FGF1: variants seen among roughly 807,000 people sequenced by gnomAD.
FGF1 encodes beta-endothelial cell growth factor.
Under a neutral mutation model 13.4 loss-of-function variants are expected in FGF1, and 9 were observed. The observed-to-expected ratio is 0.67, with a 90% confidence interval of 0.40 to 1.17. The LOEUF (loss-of-function observed/expected upper bound fraction) is 1.17, where lower values mean the gene tolerates loss of function less well. FGF1 is among the 50% of genes most tolerant of loss of function. FGF1 has a pLI of 0.01. For missense variants in FGF1, 156 were observed against 192.7 expected (o/e 0.81, Z 1.13); for synonymous variants, 93 against 79.0 (o/e 1.18, Z -0.94).
chr5:142,680,389 C>A (rs1017834622), intron 1 of FGF1, among the ~76,000 whole-genome samples: 1 of 152,080 alleles, frequency 6.6e-6, no homozygotes, highest in Non-Finnish European at 1.5e-5. Flanking sequence ...AGAAAGACAC[C>A]CCACTGAAGA....
intron 1 of FGF1, among the ~76,000 whole-genome samples, chr5:142,665,070 G>T (rs1770035313): frequency 1.3e-5 from 2 of 152,278 alleles, no homozygotes; most frequent in Middle Eastern, 3.4e-3. Context: ...TATAAAAAGT[G>T]TTATTTGTGC....
chr5:142,675,972 T>G (rs7708257), intron 1 of FGF1, among the ~76,000 whole-genome samples: 49,133 of 152,082 alleles, frequency 0.32, 8,531 homozygotes, highest in African/African-American at 0.46. Context: ...TTAATCATTT[T>G]TTGGGAACAT....
chr5:142,606,189 G>A (rs957794254), intron 2 of FGF1, among the ~76,000 whole-genome samples: 16 of 146,002 alleles, frequency 1.1e-4, no homozygotes, highest in Middle Eastern at 3.7e-3. Flanking sequence ...GCAAACAAAA[G>A]CACAAAATCT....
chr5:142,626,872 C>T (rs768363649), intron 1 of FGF1: 1 of 152,242 alleles, frequency 6.6e-6, no homozygotes, highest in Admixed American at 6.5e-5. Flanking sequence ...ATTCTCACAA[C>T]CTGAGAGTCA....
chr5:142,691,883 T>C (rs909973846), intron 2 of FGF1, among the ~76,000 whole-genome samples: 1 of 152,226 alleles, frequency 6.6e-6, no homozygotes, highest in Non-Finnish European at 1.5e-5. Flanking sequence ...TTCTTTGTAA[T>C]GGCAGTTTTG....
intron 2 of FGF1, among the ~76,000 whole-genome samples, chr5:142,609,365 G>C (rs76040620): frequency 6.6e-6 from 1 of 152,176 alleles, no homozygotes; most frequent in Non-Finnish European, 1.5e-5. Flanking sequence ...GCAGCTGAAG[G>C]TTTGGAATGC....
At chr5:142,691,378 T>C (rs944235723) in intron 2 of FGF1, among the ~76,000 whole-genome samples, 5 of 151,358 alleles carry the variant, frequency 3.3e-5, no homozygotes, top group Admixed American at 6.6e-5. Flanking sequence ...GCCGAGATAG[T>C]GTCACTGCAC....
chr5:142,610,677 A>C (rs993275575), intron 2 of FGF1, among the ~76,000 whole-genome samples: 3 of 152,128 alleles, frequency 2.0e-5, no homozygotes, highest in Non-Finnish European at 4.4e-5. Flanking sequence ...AGCGTAACCA[A>C]TGTTCACAGT....
intron 1 of FGF1, among the ~76,000 whole-genome samples, chr5:142,663,301 A>G (rs944307716): frequency 6.6e-6 from 1 of 152,102 alleles, no homozygotes; most frequent in African/African-American, 2.4e-5. Context: ...GAACGATTTT[A>G]CCAGTTAGGA....
chr5:142,615,306 C>T (rs1397597371), intron 1 of FGF1, among the ~76,000 whole-genome samples: 1 of 152,158 alleles, frequency 6.6e-6, no homozygotes, highest in Non-Finnish European at 1.5e-5. Context: ...CAACCTTGGC[C>T]TCCCGGGTCC....
intron 1 of FGF1, among the ~76,000 whole-genome samples, chr5:142,618,140 A>C (rs1760642358): frequency 6.6e-6 from 1 of 152,182 alleles, no homozygotes; most frequent in African/African-American, 2.4e-5. Flanking sequence ...TTGTGCACGA[A>C]GCCTAGCCCT....
chr5:142,657,760 C>A (rs1035837495), intron 1 of FGF1, among the ~76,000 whole-genome samples: 1 of 152,214 alleles, frequency 6.6e-6, no homozygotes, highest in Non-Finnish European at 1.5e-5. Flanking sequence ...ACTTTCCAAC[C>A]CACTCTGGAC....
intron 1 of FGF1, among the ~76,000 whole-genome samples, chr5:142,640,630 G>A (rs530267619): frequency 2.0e-5 from 3 of 151,996 alleles, no homozygotes; most frequent in Non-Finnish European, 4.4e-5. Context: ...CAAGAGACTC[G>A]AAATAATCCA....
intron 1 of FGF1, among the ~76,000 whole-genome samples, chr5:142,655,003 A>C (rs746184920): frequency 6.6e-6 from 1 of 152,202 alleles, no homozygotes; most frequent in Non-Finnish European, 1.5e-5. Flanking sequence ...CCCCAGCTCC[A>C]AGGAAAACAG....
At chr5:142,690,337 T>C (rs1751987815), upstream of FGF1, among the ~76,000 whole-genome samples, 1 of 151,972 alleles carries the variant, frequency 6.6e-6, no homozygotes, top group African/African-American at 2.4e-5. Context: ...AGACTCCGTC[T>C]GGGGAAAAAA....
At chr5:142,605,809 C>T (rs753377344) in intron 2 of FGF1, among the ~76,000 whole-genome samples, 6 of 152,178 alleles carry the variant, frequency 3.9e-5, no homozygotes, top group Admixed American at 2.0e-4. Context: ...CCAGGCTGAG[C>T]GGCTTGTGTA....
intron 1 of FGF1, among the ~76,000 whole-genome samples, chr5:142,651,829 AT>A (rs776252481): frequency 0.14 from 19,971 of 139,636 alleles, 1,721 homozygotes; most frequent in African/African-American, 0.28. Context: ...TTGGTAGCTC[AT>A]TTTTTTTTTT....
At chr5:142,672,500 G>GTTT (rs34954693) in intron 1 of FGF1, among the ~76,000 whole-genome samples, 20 of 123,314 alleles carry the variant, frequency 1.6e-4, no homozygotes, top group South Asian at 5.4e-4. Context: ...TTTCTGTACA[G>GTTT]TTTTTTTTTT....
At position 142,595,405 on chromosome 5, in the gene FGF1, G is replaced by T; in HGVS notation, c.353C>A (p.Ala118Glu). The T allele has an allele frequency of 6.2e-7, 1 of 1,613,984 alleles. No individual in the cohort carries two copies. The highest frequency in any genetic ancestry group is 8.5e-7 in the Non-Finnish European group (1 of 1,179,886). ...GAGGCCAACAAACCAATTCTTCTCT[G>T]CATGCTTCTTGGATATATAGGTGTT... ...HYNTYISKKHAEKNWFVGLKK... is the reference protein window; with the variant it reads ...HYNTYISKKHEEKNWFVGLKK... The change falls in exon 4 of 4, where the codon GCA becomes GAA. Residue 118 changes from alanine (A) to glutamate (E), a missense_variant. Ala to Glu is a moderately radical substitution (Grantham distance 107). Coordinates refer to ENST00000337706, the MANE Select transcript of FGF1 (RefSeq NM_000800.5).
Sources: allele counts gnomAD v4.1 joint callset (sites outside exome capture counted in the v4.1 genomes callset), GRCh38; gene constraint gnomAD v4.1.1; transcripts MANE v1.5; gene names NCBI Gene and HGNC (gene_info 2026-07-23, HGNC 2026-07-21).